Variants in HIBCH observed in about 807,000 individuals in gnomAD.
HIBCH encodes the protein 3-hydroxyisobutyryl-CoA hydrolase, mitochondrial.
HIBCH carries 50 observed loss-of-function variants against 58.2 expected under a neutral mutation model. That is an observed-to-expected ratio of 0.86 (90% CI 0.68 to 1.09). The LOEUF (loss-of-function observed/expected upper bound fraction) is 1.09, where lower values mean the gene tolerates loss of function less well. Ranked by LOEUF, HIBCH falls within the 50% of genes least tolerant of loss-of-function variation. The probability of loss-of-function intolerance (pLI) is 0.00; values close to 1 mark genes in which losing one functional copy is unlikely to be tolerated. For synonymous variants in HIBCH, 151 were observed against 146.9 expected (o/e 1.03, Z -0.20); for missense variants, 450 against 449.7 (o/e 1.00, Z -0.01).
rs761843520 is a variant in HIBCH at position 190,244,804 on chromosome 2, G to T, written c.891+83C>A. 8 of 870,310 alleles carry T rather than the reference G, an allele frequency of 9.2e-6. No homozygotes were observed. In the South Asian group the frequency reaches 1.1e-4, roughly 11 times the overall value. The allele number at this position is 870,310 out of a possible 1,614,324, so 53.9% of individuals were successfully genotyped here. A position where few individuals can be genotyped will look rare whatever the true frequency, so the allele number is the denominator to read the frequency against. On this transcript the variant is annotated intron_variant, in intron 11 of 13. Coordinates refer to ENST00000359678, the MANE Select transcript of HIBCH (RefSeq NM_014362.4). ...TGCATGGGCTATGTCACCACCAATG[G>T]AGCACTAATACCCCCTTAGAGAGGC...
At chr2:190,199,643 A>T, downstream of HIBCH, 1 of 1,188,572 alleles carries the variant, frequency 8.4e-7, no homozygotes. Flanking sequence ...CCACTCAATC[A>T]TACACTATTT....
At chr2:190,236,000 G>A (rs1559026047) in intron 11 of HIBCH, among the ~76,000 whole-genome samples, 1 of 152,140 alleles carries the variant, frequency 6.6e-6, no homozygotes, top group Non-Finnish European at 1.5e-5. Context: ...TTTGTCATAG[G>A]TGCCAGGAGA....
At chr2:190,312,197 T>G (rs778437490) in intron 1 of HIBCH, among the ~76,000 whole-genome samples, 233 of 152,370 alleles carry the variant, frequency 1.5e-3, no homozygotes, top group Non-Finnish European at 2.6e-3. Context: ...GATTTAGGTA[T>G]GTTTCATTTG....
downstream of HIBCH, chr2:190,203,326 T>A (rs1690304947): frequency 6.0e-6 from 1 of 167,068 alleles, no homozygotes; most frequent in Non-Finnish European, 1.5e-5. Context: ...TGGGCATTAG[T>A]TCAGAAGCAC....
At chr2:190,249,229 A>C (rs900041292) in intron 9 of HIBCH, among the ~76,000 whole-genome samples, 1 of 152,226 alleles carries the variant, frequency 6.6e-6, no homozygotes, top group African/African-American at 2.4e-5. Context: ...CTTGGCTCTT[A>C]TAAGAAAATT....
chr2:190,222,802 C>T (rs931790490), intron 11 of HIBCH, among the ~76,000 whole-genome samples: 2 of 152,118 alleles, frequency 1.3e-5, no homozygotes, highest in Non-Finnish European at 2.9e-5. Context: ...AATCATTCTA[C>T]GAGAAAGACA....
At chr2:190,237,813 C>T (rs1686323865) in intron 11 of HIBCH, among the ~76,000 whole-genome samples, 1 of 151,872 alleles carries the variant, frequency 6.6e-6, no homozygotes, top group South Asian at 2.1e-4. Context: ...AATGCTCTCC[C>T]CCTCCCTTTG....
chr2:190,222,027 A>G (rs952900570), intron 11 of HIBCH, among the ~76,000 whole-genome samples: 5 of 152,230 alleles, frequency 3.3e-5, no homozygotes, highest in African/African-American at 1.2e-4. Flanking sequence ...AGTCTGGCAC[A>G]CTGACCCTCC....
chr2:190,285,064 C>CA (rs925938585), intron 6 of HIBCH, among the ~76,000 whole-genome samples: 26 of 152,090 alleles, frequency 1.7e-4, no homozygotes, highest in Non-Finnish European at 3.7e-4. Flanking sequence ...GAGAGTTTCT[C>CA]AAGTTTGTTC....
intron 4 of HIBCH, among the ~76,000 whole-genome samples, chr2:190,291,492 A>G (rs1310216602): frequency 1.3e-5 from 2 of 152,210 alleles, no homozygotes; most frequent in Non-Finnish European, 2.9e-5. Flanking sequence ...GTACCCTACA[A>G]AGCCTCAAAG....
intron 1 of HIBCH, among the ~76,000 whole-genome samples, chr2:190,191,871 C>T (rs1045184797): frequency 6.6e-6 from 1 of 151,436 alleles, no homozygotes; most frequent in Non-Finnish European, 1.5e-5. Flanking sequence ...CATTTATTGG[C>T]TAGATGATGA....
intron 11 of HIBCH, among the ~76,000 whole-genome samples, chr2:190,223,286 G>A (rs1253229878): frequency 1.3e-5 from 2 of 152,140 alleles, no homozygotes; most frequent in Non-Finnish European, 2.9e-5. Flanking sequence ...ATAAATAAGA[G>A]ACAGGGTCTT....
At chr2:190,195,537 G>A (rs1261329728) in intron 1 of HIBCH, among the ~76,000 whole-genome samples, 1 of 152,100 alleles carries the variant, frequency 6.6e-6, no homozygotes, top group Non-Finnish European at 1.5e-5. Flanking sequence ...ATACGTTTAT[G>A]TGCCACCTAT....
intron 6 of HIBCH, among the ~76,000 whole-genome samples, chr2:190,263,573 G>A (rs190714221): frequency 6.6e-6 from 1 of 152,180 alleles, no homozygotes; most frequent in African/African-American, 2.4e-5. Context: ...AGGATTTTAA[G>A]CACCACCTAA....
At chr2:190,237,032 A>C (rs189982653) in intron 11 of HIBCH, among the ~76,000 whole-genome samples, 1 of 152,358 alleles carries the variant, frequency 6.6e-6, no homozygotes, top group East Asian at 1.9e-4. Context: ...TAATGGGTAC[A>C]TTCAGCAAAT....
Position 190,204,887 on chromosome 2 carries a change from T to G in HIBCH, c.*230A>C, listed in dbSNP as rs760842636. ...CTACTCATTTCAAAGCAGCCACAGA[T>G]AATATATAAACAGATGAGTATAGCT... On this transcript the variant is annotated 3_prime_UTR_variant, in exon 14 of 14. Coordinates refer to ENST00000359678, the MANE Select transcript of HIBCH (RefSeq NM_014362.4). 2.9e-5 allele frequency: 14 copies of G among 475,932 alleles called. No individual in the cohort carries two copies. Among genetic ancestry groups the G allele is most frequent in the Non-Finnish European group, 4.5e-5 (12 of 264,252 alleles). The allele number at this position is 475,932 out of a possible 1,614,324, so 29.5% of individuals were successfully genotyped here. A position where few individuals can be genotyped will look rare whatever the true frequency, so the allele number is the denominator to read the frequency against.
rs1036761666 is a variant in HIBCH at position 190,315,854 on chromosome 2, A to C, written c.35+3862T>G. 1.3e-5 allele frequency among the ~76,000 whole-genome samples: 2 copies of C among 152,236 alleles called. No homozygotes were observed. The highest frequency in any genetic ancestry group is 4.8e-5 in the African/African-American group (2 of 41,478). On this transcript the variant is annotated intron_variant, in intron 1 of 13. Transcript: ENST00000359678. The surrounding 1 kb of genome is among the most constrained non-coding windows in gnomAD (Gnocchi z 5.4). ...ACAACCAGGAGAATATAGAAAAGACAGGGAAAGAAGCTAGCTGGTTTGCAG... is the reference window on the plus strand; with the variant it reads ...ACAACCAGGAGAATATAGAAAAGACCGGGAAAGAAGCTAGCTGGTTTGCAG...
At chr2:190,307,697 G>C (rs866600846) in intron 2 of HIBCH, among the ~76,000 whole-genome samples, 2 of 136,124 alleles carry the variant, frequency 1.5e-5, no homozygotes, top group Non-Finnish European at 3.2e-5. Flanking sequence ...GTTTAAAATA[G>C]ATTATGGAGA....
chr2:190,224,501 C>CA (rs1685830764), intron 11 of HIBCH, among the ~76,000 whole-genome samples: 1 of 152,126 alleles, frequency 6.6e-6, no homozygotes, highest in Non-Finnish European at 1.5e-5. Flanking sequence ...TCTGATAAAA[C>CA]AGACTTTAAA....
Sources: gnomAD v4.1 joint callset for allele counts (sites outside exome capture counted in the v4.1 genomes callset) on GRCh38, gnomAD v4.1.1 for gene constraint, Gnocchi (gnomAD v3.1) non-coding constraint, MANE v1.5 for transcripts, NCBI Gene and HGNC (gene_info 2026-07-23, HGNC 2026-07-21) for gene names.